Variants in SH3KBP1 observed in about 807,000 individuals in gnomAD.
SH3KBP1 encodes SH3 domain containing kinase binding protein 1.
SH3KBP1 carries 8 observed loss-of-function variants against 50.1 expected under a neutral mutation model. The ratio of observed to expected loss-of-function variants is 0.16; its 90% CI spans 0.09 to 0.29. The LOEUF is 0.29. Ranked by LOEUF, SH3KBP1 falls within the 10% of genes least tolerant of loss-of-function variation. The pLI is 1.00. For synonymous variants in SH3KBP1, 227 were observed against 218.6 expected (o/e 1.04, Z -0.34); for missense variants, 377 against 535.2 (o/e 0.70, Z 2.92).
intron 2 of SH3KBP1, among the ~76,000 whole-genome samples, chrX:19,826,485 C>T (rs1006613534): frequency 9.2e-6 from 1 of 109,162 alleles, no homozygotes; most frequent in Non-Finnish European, 1.9e-5. Flanking sequence ...GGGCAACCAG[C>T]GTGGGCAACA....
intron 2 of SH3KBP1, chrX:19,799,541 C>A: frequency 1.1e-6 from 1 of 918,273 alleles, no homozygotes; most frequent in South Asian, 2.0e-5. Flanking sequence ...AATTCCCCAT[C>A]ATGCCTCCCT....
chrX:19,675,078 C>CAAAT (rs112493377), intron 6 of SH3KBP1, among the ~76,000 whole-genome samples: 5,625 of 106,651 alleles, frequency 0.053, 161 homozygotes, highest in South Asian at 0.11. Context: ...GACCCTGCCT[C>CAAAT]AAATAAATAA....
At chrX:19,586,978 T>G (rs1703921721) in intron 12 of SH3KBP1, among the ~76,000 whole-genome samples, 1 of 110,993 alleles carries the variant, frequency 9.0e-6, no homozygotes, top group Admixed American at 9.5e-5. Flanking sequence ...TCCCAGCACT[T>G]TGGGAGGCCC....
chrX:19,581,756 C>T (rs990776439), intron 12 of SH3KBP1, among the ~76,000 whole-genome samples: 1 of 107,166 alleles, frequency 9.3e-6, no homozygotes, highest in Non-Finnish European at 1.9e-5. Flanking sequence ...TAAATGTTTA[C>T]TTAATCTTTG....
At chrX:19,611,956 GAAAAAAAA>G (rs3036638) in intron 8 of SH3KBP1, among the ~76,000 whole-genome samples, 1 of 38,051 alleles carries the variant, frequency 2.6e-5, no homozygotes, top group African/African-American at 1.0e-4. Context: ...AGCAGAAGTA[GAAAAAAAA>G]AAAAAAAAAA....
intron 3 of SH3KBP1, among the ~76,000 whole-genome samples, chrX:19,728,274 A>ACGTCACGT (rs2064281787): frequency 9.0e-6 from 1 of 111,499 alleles, no homozygotes; most frequent in African/African-American, 3.3e-5. Context: ...TTTTCTTTAA[A>ACGTCACGT]CGTCACGTCA....
At chrX:19,621,241 A>AT (rs35328957) in intron 8 of SH3KBP1, among the ~76,000 whole-genome samples, 39 of 64,559 alleles carry the variant, frequency 6.0e-4, no homozygotes, top group South Asian at 9.9e-4. Context: ...CACCTGGCTA[A>AT]TTTTTTTTTT....
chrX:19,870,194 G>A (rs887076159), intron 1 of SH3KBP1, among the ~76,000 whole-genome samples: 1 of 112,386 alleles, frequency 8.9e-6, no homozygotes, highest in Non-Finnish European at 1.9e-5. Flanking sequence ...GATACATATG[G>A]AAATGATAAA....
intron 8 of SH3KBP1, among the ~76,000 whole-genome samples, chrX:19,620,007 C>G (rs1400828721): frequency 9.0e-6 from 1 of 111,345 alleles, no homozygotes; most frequent in African/African-American, 3.3e-5. Flanking sequence ...TAGTCTACTC[C>G]TCCAGGATGA....
chrX:19,725,292 TAAA>T (rs5901663), intron 3 of SH3KBP1, among the ~76,000 whole-genome samples: 4 of 73,335 alleles, frequency 5.5e-5, no homozygotes. Context: ...GTCTCTACTC[TAAA>T]AAAAAAAAAA....
chrX:19,621,015 T>TTG (rs201843780), intron 8 of SH3KBP1, among the ~76,000 whole-genome samples: 4,155 of 103,836 alleles, frequency 0.04, 265 homozygotes, highest in African/African-American at 0.15. Flanking sequence ...CAGGTTGGTT[T>TTG]TTTTTTTTTT....
chrX:19,864,081 T>C (rs1482049592), intron 1 of SH3KBP1, among the ~76,000 whole-genome samples: 1 of 110,961 alleles, frequency 9.0e-6, no homozygotes, highest in East Asian at 2.8e-4. Flanking sequence ...TAGCAGCCCC[T>C]GGTAAGAGTC....
intron 2 of SH3KBP1, among the ~76,000 whole-genome samples, chrX:19,814,502 G>A (rs1422740408): frequency 9.0e-6 from 1 of 110,928 alleles, no homozygotes; most frequent in Non-Finnish European, 1.9e-5. Context: ...CTTCCCTCCG[G>A]CAGTGGTGGT....
intron 2 of SH3KBP1, among the ~76,000 whole-genome samples, chrX:19,756,892 C>T (rs972952295): frequency 1.9e-5 from 2 of 105,748 alleles, no homozygotes; most frequent in African/African-American, 6.9e-5. Context: ...AAAAAAAAGC[C>T]TAACGTATGC....
At chrX:19,666,188 GA>G (rs200113351) in intron 6 of SH3KBP1, among the ~76,000 whole-genome samples, 150 of 104,910 alleles carry the variant, frequency 1.4e-3, no homozygotes, top group Non-Finnish European at 2.4e-3. Context: ...AGGTGAAGAG[GA>G]AAAAAAAAAT....
chrX:19,556,464 C>T (rs2065494518), intron 13 of SH3KBP1, among the ~76,000 whole-genome samples: 1 of 110,749 alleles, frequency 9.0e-6, no homozygotes, highest in African/African-American at 3.3e-5. Flanking sequence ...TCAAGATGGG[C>T]CCAATATTAG....
intron 9 of SH3KBP1, among the ~76,000 whole-genome samples, chrX:19,597,433 T>C (rs979276560): frequency 8.9e-5 from 10 of 111,904 alleles, no homozygotes; most frequent in African/African-American, 3.3e-4. Context: ...TTGTTGTTTT[T>C]GTTTTTGAGA....
At chrX:19,692,648 TGTGTGTGTG>T (rs1264685310) in intron 5 of SH3KBP1, among the ~76,000 whole-genome samples, 1 of 94,454 alleles carries the variant, frequency 1.1e-5, no homozygotes, top group African/African-American at 4.3e-5. Context: ...TGTGTGTGTG[TGTGTGTGTG>T]TGTGTGTGTG....
At chrX:19,873,457 G>A (rs1001945250) in intron 1 of SH3KBP1, among the ~76,000 whole-genome samples, 2 of 106,666 alleles carry the variant, frequency 1.9e-5, no homozygotes, top group African/African-American at 6.8e-5. Flanking sequence ...GATCACCCGA[G>A]GTCAGGAGTT....
Sources: allele counts gnomAD v4.1 joint callset (sites outside exome capture counted in the v4.1 genomes callset), GRCh38; gene constraint gnomAD v4.1.1; transcripts MANE v1.5; gene names NCBI Gene and HGNC (gene_info 2026-07-23, HGNC 2026-07-21).